The following STIM2 variants were observed in gnomAD, a reference collection of about 807,000 sequenced individuals.
STIM2 encodes the protein stromal interaction molecule 2.
Under a neutral mutation model 85.8 loss-of-function variants are expected in STIM2, and 31 were observed. The ratio of observed to expected loss-of-function variants is 0.36; its 90% CI spans 0.27 to 0.49. The LOEUF (loss-of-function observed/expected upper bound fraction) is 0.49. Among genes scored for constraint, STIM2 ranks in the 20% least tolerant of loss-of-function variants. STIM2 has a pLI of 0.98. For synonymous variants in STIM2, 356 were observed against 331.1 expected (o/e 1.08, Z -0.82); for missense variants, 841 against 927.6 (o/e 0.91, Z 1.21).
At chr4:26,931,325 A>G (rs1725198689) in intron 2 of STIM2, among the ~76,000 whole-genome samples, 1 of 152,132 alleles carries the variant, frequency 6.6e-6, no homozygotes, top group South Asian at 2.1e-4. Context: ...TCACGGGGAG[A>G]CAAATACAAG....
At chr4:27,022,326 C>T (rs1313028208) in intron 11 of STIM2, among the ~76,000 whole-genome samples, 193 bp from the exon 12 acceptor site, 2 of 151,964 alleles carry the variant, frequency 1.3e-5, no homozygotes, top group South Asian at 2.1e-4. Flanking sequence ...GTTAAAAATC[C>T]AGCATTGAGT....
chr4:26,885,193 T>C (rs1354363193), intron 1 of STIM2, among the ~76,000 whole-genome samples: 1 of 152,178 alleles, frequency 6.6e-6, no homozygotes, highest in Non-Finnish European at 1.5e-5. Context: ...CTGTAATATC[T>C]AGTTTTCCAA....
At chr4:26,942,392 C>A (rs1020859053) in intron 2 of STIM2, among the ~76,000 whole-genome samples, 3 of 152,154 alleles carry the variant, frequency 2.0e-5, no homozygotes, top group Non-Finnish European at 4.4e-5. Context: ...TACCTTTACA[C>A]ACAACAGAAG....
intron 10 of STIM2, 132 bp from the exon 11 acceptor site, chr4:27,017,579 C>A: frequency 8.9e-7 from 1 of 1,122,864 alleles, no homozygotes; most frequent in Non-Finnish European, 1.3e-6. Flanking sequence ...AATAACTGTA[C>A]AGTAACTTCA....
chr4:26,865,357 T>G (rs1722365211), intron 1 of STIM2, among the ~76,000 whole-genome samples: 1 of 152,158 alleles, frequency 6.6e-6, no homozygotes, highest in Non-Finnish European at 1.5e-5. Flanking sequence ...CTGTTGGGAA[T>G]CTCATAGAAC....
chr4:26,912,006 T>C (rs964403330), intron 1 of STIM2, among the ~76,000 whole-genome samples: 2 of 152,204 alleles, frequency 1.3e-5, no homozygotes, highest in Non-Finnish European at 2.9e-5. Flanking sequence ...CTTTTGAGTT[T>C]GAATCAGGTC....
intron 2 of STIM2, among the ~76,000 whole-genome samples, chr4:26,944,143 A>G (rs967486838): frequency 6.6e-6 from 1 of 152,166 alleles, no homozygotes; most frequent in African/African-American, 2.4e-5. Flanking sequence ...TTTTATACAA[A>G]TATATACATG....
intron 1 of STIM2, among the ~76,000 whole-genome samples, chr4:26,915,111 CT>C (rs1340891633): frequency 2.0e-5 from 3 of 152,204 alleles, no homozygotes; most frequent in African/African-American, 7.2e-5. Flanking sequence ...ATGAGTCTTA[CT>C]TCCTCATCTG....
chr4:26,880,408 A>G (rs2109035593), intron 1 of STIM2, among the ~76,000 whole-genome samples: 1 of 152,022 alleles, frequency 6.6e-6, no homozygotes, highest in Non-Finnish European at 1.5e-5. Context: ...CCTTTATAAT[A>G]CTTACAACCA....
intron 3 of STIM2, among the ~76,000 whole-genome samples, chr4:26,982,083 A>T (rs1727418671): frequency 6.6e-6 from 1 of 152,156 alleles, no homozygotes; most frequent in South Asian, 2.1e-4. Flanking sequence ...TATTGCTCAC[A>T]TGGTTGCTAA....
Position 27,022,645 on chromosome 4 carries a change from G to A in STIM2, c.1890G>A (p.Val630=). ...CGCGAAAGATATCAAGAGATGAGGT[G>A]TCCCTAGAGGATTCCTCCCGAGGGG... The change falls in exon 12 of 12, where the codon GTG becomes GTA. Residue 630 remains valine, a synonymous_variant. Coordinates refer to ENST00000467087, the MANE Select transcript of STIM2 (RefSeq NM_020860.4). The A allele has an allele frequency of 6.2e-7, 1 of 1,614,214 alleles. No homozygotes were observed. The highest frequency in any genetic ancestry group is 8.5e-7 in the Non-Finnish European group (1 of 1,180,010).
At chr4:26,892,522 T>G (rs553175665) in intron 1 of STIM2, among the ~76,000 whole-genome samples, 154 of 152,244 alleles carry the variant, frequency 1.0e-3, no homozygotes, top group Non-Finnish European at 1.5e-3. Flanking sequence ...AACATATGAA[T>G]TTTTTTGGGG....
rs901934764 is a variant in STIM2 at position 27,024,646 on chromosome 4, A to G, written c.*1650A>G. On this transcript the variant is annotated 3_prime_UTR_variant, in exon 12 of 12. Transcript: ENST00000467087. The stretch of plus-strand genomic sequence containing the variant: ...TGGCTGATATTTATATACTTAATAG[A>G]TTGAGTTCTGTAAGGGCAAAAACGG... The G allele has an allele frequency of 6.6e-6, 1 of 152,188 alleles. No individual in the cohort carries two copies. Among genetic ancestry groups the G allele is most frequent in the Non-Finnish European group, 1.5e-5 (1 of 68,022 alleles). 9.4% of individuals were successfully genotyped at this position (152,188 alleles called of 1,614,324 possible).
At chr4:26,894,351 G>C (rs1377203609) in intron 1 of STIM2, among the ~76,000 whole-genome samples, 7 of 151,942 alleles carry the variant, frequency 4.6e-5, no homozygotes, top group Admixed American at 4.6e-4. Context: ...TCCCTTTATA[G>C]TTAAAGCTTT....
intron 1 of STIM2, among the ~76,000 whole-genome samples, chr4:26,901,600 G>A (rs370069660): frequency 1.3e-5 from 2 of 151,896 alleles, no homozygotes; most frequent in Non-Finnish European, 2.9e-5. Context: ...TGTTGTTAGC[G>A]ATATTAAATC....
intron 3 of STIM2, among the ~76,000 whole-genome samples, chr4:26,960,369 ATGTG>A (rs994623403): frequency 1.4e-5 from 2 of 145,950 alleles, no homozygotes; most frequent in Admixed American, 6.7e-5. Flanking sequence ...GTTTGTGTGT[ATGTG>A]TGTATGTATA....
rs559598903 is a variant in STIM2 at position 26,876,765 on chromosome 4, T to C, written c.151+15396T>C. Among the ~76,000 whole-genome samples, 17 of 152,264 alleles carry C rather than the reference T, an allele frequency of 1.1e-4. No individual in the cohort carries two copies. In the South Asian group the frequency reaches 3.5e-3, roughly 32 times the overall value. On this transcript the variant is annotated intron_variant, in intron 1 of 11. Coordinates refer to ENST00000467087, the MANE Select transcript of STIM2 (RefSeq NM_020860.4). ...TAGTATGTGTTTAATTATTGGATTA[T>C]ACTTTACAGTTCAGGTTTTTTCTGT...
At chr4:26,868,513 C>G (rs1475999938) in intron 1 of STIM2, among the ~76,000 whole-genome samples, 2 of 152,092 alleles carry the variant, frequency 1.3e-5, no homozygotes, top group African/African-American at 2.4e-5. Flanking sequence ...ACTAAACAGC[C>G]TTATCATAAG....
In STIM2 at chr4:26,873,971, C is replaced by T. The variant is rs114881956; in HGVS notation, c.151+12602C>T. On this transcript the variant is annotated intron_variant, in intron 1 of 11. Transcript: ENST00000467087. ...GCTCAGGCTGTGAGTCAGGGATCCACTGCTCTTCTGTGCCCCTCTCTTTCT... is the reference window on the plus strand; with the variant it reads ...GCTCAGGCTGTGAGTCAGGGATCCATTGCTCTTCTGTGCCCCTCTCTTTCT... The T allele has an allele frequency of 2.0e-4, 214 of 1,050,226 alleles. No homozygotes were observed. The African/African-American group carries it at 2.9e-3, about 14-fold the overall frequency. The allele number at this position is 1,050,226 out of a possible 1,614,324, so 65.1% of individuals were successfully genotyped here. A position where few individuals can be genotyped will look rare whatever the true frequency, so the allele number is the denominator to read the frequency against.
Sources: gnomAD v4.1 joint callset for allele counts (sites outside exome capture counted in the v4.1 genomes callset) on GRCh38, gnomAD v4.1.1 for gene constraint, MANE v1.5 for transcripts, NCBI Gene and HGNC (gene_info 2026-07-23, HGNC 2026-07-21) for gene names.